Variants in SEMA3D observed in about 807,000 individuals in gnomAD.
SEMA3D encodes semaphorin-3D.
A neutral mutation model predicts 100.1 loss-of-function variants in SEMA3D; 84 were observed. The observed-to-expected ratio is 0.84, with a 90% CI of 0.70 to 1.01. The LOEUF (loss-of-function observed/expected upper bound fraction) is 1.01. SEMA3D is among the 50% of genes least tolerant of loss of function. SEMA3D has a pLI of 0.00. For missense variants in SEMA3D, 875 were observed against 934.1 expected (o/e 0.94, Z 0.82); for synonymous variants, 312 against 320.7 (o/e 0.97, Z 0.29).
intron 9 of SEMA3D, among the ~76,000 whole-genome samples, chr7:85,044,690 A>G (rs144276613): frequency 1.3e-5 from 2 of 152,204 alleles, no homozygotes; most frequent in African/African-American, 4.8e-5. Flanking sequence ...GAGGCTTACT[A>G]TCCACACAAA....
intron 4 of SEMA3D, among the ~76,000 whole-genome samples, chr7:85,086,909 C>A (rs933872198): frequency 5.3e-5 from 8 of 151,992 alleles, no homozygotes; most frequent in Admixed American, 5.3e-4. Context: ...AAAAGTCACA[C>A]CATATAGTTA....
At chr7:85,051,203 T>A (rs1791155829) in intron 9 of SEMA3D, among the ~76,000 whole-genome samples, 1 of 151,830 alleles carries the variant, frequency 6.6e-6, no homozygotes, top group Non-Finnish European at 1.5e-5. Context: ...GCTGTCCTCA[T>A]TTTTTAGGTT....
intron 8 of SEMA3D, among the ~76,000 whole-genome samples, chr7:85,060,293 A>T (rs1791436474): frequency 1.3e-5 from 2 of 152,222 alleles, no homozygotes; most frequent in Admixed American, 1.3e-4. Flanking sequence ...AGCATACTTG[A>T]GAGTTAAAAA....
At chr7:85,244,249 C>T in the SEMA3D span, among the ~76,000 whole-genome samples, 1 of 152,154 alleles carries the variant, frequency 6.6e-6, no homozygotes, top group Non-Finnish European at 1.5e-5. Context: ...TCACCTATAA[C>T]AACTTGCTCT....
At chr7:85,002,556 T>C (rs1046596811) in intron 18 of SEMA3D, among the ~76,000 whole-genome samples, 6 of 152,208 alleles carry the variant, frequency 3.9e-5, no homozygotes, top group Admixed American at 2.6e-4. Flanking sequence ...TTATGCAGAC[T>C]GTATCTCAAC....
chr7:85,247,781 G>A, the SEMA3D span, among the ~76,000 whole-genome samples: 1 of 152,054 alleles, frequency 6.6e-6, no homozygotes, highest in Non-Finnish European at 1.5e-5. Flanking sequence ...ATAAACAGGG[G>A]AAACACAATG....
chr7:85,105,695 A>T (rs1210217574), intron 3 of SEMA3D, among the ~76,000 whole-genome samples: 2 of 152,132 alleles, frequency 1.3e-5, no homozygotes, highest in Non-Finnish European at 2.9e-5. Flanking sequence ...ATCAGAAAGA[A>T]CACAAACAAA....
chr7:85,030,383 G>A (rs1790513953), intron 12 of SEMA3D, among the ~76,000 whole-genome samples: 1 of 152,068 alleles, frequency 6.6e-6, no homozygotes, highest in East Asian at 1.9e-4. Context: ...AAAAAATGGA[G>A]ACTTAGTTGG....
At chr7:85,065,314 T>C in intron 8 of SEMA3D, 110 bp downstream of exon 8, 1 of 966,460 alleles carries the variant, frequency 1.0e-6, no homozygotes. Context: ...TTTTATAATG[T>C]TGAGCTAAAT....
chr7:85,027,933 C>T lies in SEMA3D; in HGVS notation c.1192-5320G>A, dbSNP rs1434739659. The stretch of plus-strand genomic sequence containing the variant: ...GATAATTGCCAATGATCAGGGAAAC[C>T]GAACCATGCCAAACTATGTCACCTT... On this transcript the variant is annotated intron_variant, in intron 12 of 18. Transcript: ENST00000284136. 27 of 587,370 alleles carry T rather than the reference C, an allele frequency of 4.6e-5. 1 individual carries two copies. Among genetic ancestry groups the T allele is most frequent in the East Asian group, 3.8e-4 (9 of 23,654 alleles). The allele number at this position is 587,370 out of a possible 1,614,324, so 36.4% of individuals were successfully genotyped here. A position where few individuals can be genotyped will look rare whatever the true frequency, so the allele number is the denominator to read the frequency against.
the SEMA3D span, among the ~76,000 whole-genome samples, chr7:85,239,223 T>TA: frequency 1.3e-5 from 2 of 152,138 alleles, no homozygotes; most frequent in Admixed American, 6.6e-5. Flanking sequence ...TGTTGAAACT[T>TA]AATCTCCATT....
Position 85,046,752 on chromosome 7 carries a change from T to C in SEMA3D, c.862-4467A>G, listed in dbSNP as rs1791019102. Among the ~76,000 whole-genome samples, 3 of 151,892 alleles carry C rather than the reference T, an allele frequency of 2.0e-5. No individual in the cohort carries two copies. In the Admixed American group the frequency reaches 2.0e-4, roughly 10 times the overall value. ...CTCAGTCCCTGGATTTGTTTGCATA[T>C]CCACACAATCTCCTCTAAGAACTTT... On this transcript the variant is annotated intron_variant, in intron 9 of 18. Transcript: ENST00000284136.
chr7:85,153,862 A>G (rs1440479940), intron 1 of SEMA3D, 123 bp from the exon 2 acceptor site: 5 of 152,244 alleles, frequency 3.3e-5, no homozygotes, highest in Non-Finnish European at 7.3e-5. Context: ...AGCTCAAGAC[A>G]GCCAGGCAAG....
chr7:85,236,711 T>C, the SEMA3D span, among the ~76,000 whole-genome samples: 2 of 152,318 alleles, frequency 1.3e-5, no homozygotes, highest in African/African-American at 2.4e-5. Flanking sequence ...ATAAACTTAA[T>C]ATGATAAGAT....
chr7:85,216,863 A>T, the SEMA3D span, among the ~76,000 whole-genome samples: 1 of 151,856 alleles, frequency 6.6e-6, no homozygotes, highest in Non-Finnish European at 1.5e-5. Flanking sequence ...CTTAATACTG[A>T]ATTCTTAAGA....
the SEMA3D span, among the ~76,000 whole-genome samples, chr7:85,231,256 T>C: frequency 6.6e-6 from 1 of 152,244 alleles, no homozygotes; most frequent in East Asian, 1.9e-4. Flanking sequence ...CATCTTGATA[T>C]ATTATGATTA....
At chr7:85,239,486 G>A in the SEMA3D span, among the ~76,000 whole-genome samples, 6 of 152,126 alleles carry the variant, frequency 3.9e-5, no homozygotes, top group East Asian at 7.7e-4. Context: ...CATTTCTGTT[G>A]TTTGTAAATT....
At chr7:85,246,351 T>C in the SEMA3D span, among the ~76,000 whole-genome samples, 140 of 152,160 alleles carry the variant, frequency 9.2e-4, no homozygotes, top group African/African-American at 3.2e-3. Context: ...TACAAAAAGC[T>C]ATAGAAAACT....
At chr7:85,027,344 T>G (rs1790418781) in intron 12 of SEMA3D, among the ~76,000 whole-genome samples, 1 of 151,992 alleles carries the variant, frequency 6.6e-6, no homozygotes, top group South Asian at 2.1e-4. Flanking sequence ...AGGTTTTATC[T>G]TATAGCAAAA....
Sources: allele counts gnomAD v4.1 joint callset (sites outside exome capture counted in the v4.1 genomes callset), GRCh38; gene constraint gnomAD v4.1.1; transcripts MANE v1.5; gene names NCBI Gene and HGNC (gene_info 2026-07-23, HGNC 2026-07-21).